Variants in LRP4 observed in about 807,000 individuals in gnomAD.
LRP4 encodes the protein LDL receptor related protein 4.
Under a neutral mutation model 220.3 loss-of-function variants are expected in LRP4, and 95 were observed. The observed-to-expected ratio is 0.43, with a 90% CI of 0.37 to 0.51. LRP4 has a LOEUF of 0.51. LRP4 is among the 20% of genes least tolerant of loss of function. LRP4 has a pLI of 0.00. For missense variants in LRP4, 1,925 were observed against 2,567.0 expected (o/e 0.75, Z 5.40); for synonymous variants, 903 against 954.6 (o/e 0.95, Z 1.00).
chr11:46,880,854 T>C (rs1469785605), intron 20 of LRP4, among the ~76,000 whole-genome samples: 3 of 151,314 alleles, frequency 2.0e-5, no homozygotes, highest in Non-Finnish European at 4.4e-5. Flanking sequence ...GGCAGAAGGA[T>C]CGTTTGAGGC....
At chr11:46,863,870 T>C (rs1201035545) in intron 36 of LRP4, among the ~76,000 whole-genome samples, 1 of 152,192 alleles carries the variant, frequency 6.6e-6, no homozygotes, top group Non-Finnish European at 1.5e-5. Context: ...CATTGATATA[T>C]ATCCATTAAT....
intron 16 of LRP4, among the ~76,000 whole-genome samples, chr11:46,888,844 G>A (rs1474172835): frequency 2.0e-5 from 3 of 152,134 alleles, no homozygotes; most frequent in East Asian, 1.9e-4. Context: ...AAAAGTCATC[G>A]TGTGCTGGGC....
intron 35 of LRP4, among the ~76,000 whole-genome samples, chr11:46,864,780 C>T (rs535349225): frequency 1.6e-4 from 24 of 152,312 alleles, no homozygotes; most frequent in African/African-American, 5.5e-4. Flanking sequence ...TGACATAAGG[C>T]AAGATGCTTA....
chr11:46,873,383 G>A lies in LRP4; in HGVS notation c.4440C>T (p.Pro1480=). 1 of 1,614,088 alleles carries A rather than the reference G, an allele frequency of 6.2e-7. No homozygotes were observed. The highest frequency in any genetic ancestry group is 8.5e-7 in the Non-Finnish European group (1 of 1,180,006). Residue 1480 remains proline (P), a synonymous_variant, in exon 29 of 38, where the codon CCC becomes CCT. Transcript: ENST00000378623. The surrounding 1 kb of genome is among the most constrained non-coding windows in gnomAD (Gnocchi z 4.2). The part of the protein sequence containing the change: ...LDEPRAIAVF[P]RKGYLFWTDW... ...GCTGGCCATAAACTTACCCCTTCCT[G>A]GGGAAAACAGCAATGGCCCGGGGCT...
chr11:46,859,573 G>T (rs1940484474), intron 37 of LRP4, among the ~76,000 whole-genome samples: 1 of 152,170 alleles, frequency 6.6e-6, no homozygotes, highest in Non-Finnish European at 1.5e-5. Context: ...CCACTCACTG[G>T]CTTTGTCACC....
intron 1 of LRP4, among the ~76,000 whole-genome samples, chr11:46,911,113 T>C (rs1941852402): frequency 6.6e-6 from 1 of 152,224 alleles, no homozygotes; most frequent in Non-Finnish European, 1.5e-5. Flanking sequence ...AGTATCTATT[T>C]CATAGGGTTG....
Position 46,877,213 on chromosome 11 carries a change from A to G in LRP4, c.3263T>C (p.Val1088Ala), listed in dbSNP as rs764588435. Residue 1088 changes from valine (V) to alanine (A), a missense_variant, in exon 23 of 38, where the codon GTA becomes GCA. Physicochemically the swap from Val to Ala is moderately conservative, Grantham distance 64 (BLOSUM62 0). Coordinates refer to ENST00000378623, the MANE Select transcript of LRP4 (RefSeq NM_002334.4). ...ITMKNTIAIG[V>A]DPQEGKVYWS... ...GCCATACAGACCTTCCTGGGGGTCT[A>G]CTCCAATGGCAATGGTGTTCTTCAT... 9 of 1,613,788 alleles carry G rather than the reference A, an allele frequency of 5.6e-6. No individual in the cohort carries two copies. Among genetic ancestry groups the G allele is most frequent in the South Asian group, 5.5e-5 (5 of 91,056 alleles).
At chr11:46,869,978 C>A (rs961473718) in intron 31 of LRP4, among the ~76,000 whole-genome samples, 1 of 151,982 alleles carries the variant, frequency 6.6e-6, no homozygotes, top group Non-Finnish European at 1.5e-5. Context: ...TGGTGGCACG[C>A]ACCTGTAATC....
intron 20 of LRP4, among the ~76,000 whole-genome samples, chr11:46,880,604 C>T (rs1406469909): frequency 6.6e-6 from 1 of 151,728 alleles, no homozygotes. Flanking sequence ...GCCTGGGCCA[C>T]GGAGTGAGTG....
chr11:46,904,772 C>T (rs1035923940), intron 1 of LRP4, among the ~76,000 whole-genome samples: 2 of 151,948 alleles, frequency 1.3e-5, no homozygotes, highest in Non-Finnish European at 2.9e-5. Context: ...AGTTTTGAGA[C>T]CAGCCCGGGG....
intron 22 of LRP4, among the ~76,000 whole-genome samples, chr11:46,878,274 C>CTTTTT (rs71042631): frequency 4.0e-5 from 3 of 74,980 alleles, no homozygotes; most frequent in Non-Finnish European, 7.8e-5. Flanking sequence ...TTAGAAGTGT[C>CTTTTT]TTTTTTTTTT....
intron 34 of LRP4, among the ~76,000 whole-genome samples, chr11:46,865,505 C>T (rs1177486070): frequency 6.6e-6 from 1 of 152,158 alleles, no homozygotes; most frequent in Non-Finnish European, 1.5e-5. Context: ...TCTTAAACTA[C>T]CAGGATGAGT....
At chr11:46,903,079 G>A (rs999482608) in intron 1 of LRP4, 150 bp from the exon 2 acceptor site, 1 of 929,428 alleles carries the variant, frequency 1.1e-6, no homozygotes, top group East Asian at 2.6e-5. Flanking sequence ...GTAAAACCAT[G>A]CCTCCTCCAG....
At chr11:46,896,391 T>C (rs1941532308) in intron 8 of LRP4, 56 bp from the exon 9 acceptor site, 1 of 1,601,214 alleles carries the variant, frequency 6.2e-7, no homozygotes, top group East Asian at 2.2e-5. Flanking sequence ...AACAAAGAGA[T>C]GGGAGCCTGT....
Position 46,858,694 on chromosome 11 carries a change from G to C in LRP4, c.*289C>G, listed in dbSNP as rs1367819077. 10 of 451,480 alleles carry C rather than the reference G, an allele frequency of 2.2e-5. No individual in the cohort carries two copies. The highest frequency in any genetic ancestry group is 6.5e-4 in the Middle Eastern group (1 of 1,530). The allele number at this position is 451,480 out of a possible 1,614,324, so 28.0% of individuals were successfully genotyped here. ...GAAAGGGGAGGTGGAGCTCTACGCT[G>C]GTGAGGAATCACGAATAAGCAGTTT... On this transcript the variant is annotated 3_prime_UTR_variant, in exon 38 of 38. Transcript: ENST00000378623.
intron 1 of LRP4, among the ~76,000 whole-genome samples, chr11:46,909,103 C>A (rs111646842): frequency 1.3e-5 from 2 of 152,084 alleles, no homozygotes; most frequent in Non-Finnish European, 2.9e-5. Context: ...AAGTGTCTAG[C>A]GGCACTGCTC....
At chr11:46,876,067 G>A in intron 25 of LRP4, 101 bp from the exon 26 acceptor site, 1 of 1,363,720 alleles carries the variant, frequency 7.3e-7, no homozygotes, top group Non-Finnish European at 1.0e-6. Context: ...AGTACTTACA[G>A]TATGTCAGGC....
intron 8 of LRP4, 104 bp from the exon 9 acceptor site, chr11:46,896,439 G>C: frequency 7.0e-7 from 1 of 1,419,460 alleles, no homozygotes; most frequent in Admixed American, 1.7e-5. Flanking sequence ...TGAGACTCAA[G>C]GTGGGAGGGT....
At chr11:46,860,795 GAAATTAGT>G (rs1940524787) in intron 37 of LRP4, 1 of 173,600 alleles carries the variant, frequency 5.8e-6, no homozygotes, top group Admixed American at 6.5e-5. Context: ...CCTCCAAGAT[GAAATTAGT>G]ATAAGATGCA....
Sources: allele counts gnomAD v4.1 joint callset (sites outside exome capture counted in the v4.1 genomes callset), GRCh38; gene constraint gnomAD v4.1.1; non-coding constraint Gnocchi (gnomAD v3.1); transcripts MANE v1.5; gene names NCBI Gene and HGNC (gene_info 2026-07-23, HGNC 2026-07-21).